AHRR: variants seen among roughly 807,000 people sequenced by gnomAD.
AHRR encodes ahR repressor.
In AHRR, 28 loss-of-function variants were observed where a neutral mutation model predicts 44.0. The ratio of observed to expected loss-of-function variants is 0.64; its 90% CI spans 0.47 to 0.87. AHRR has a LOEUF of 0.87. AHRR is among the 40% of genes least tolerant of loss of function. The probability of loss-of-function intolerance (pLI) is 0.00; values close to 1 mark genes in which losing one functional copy is unlikely to be tolerated. For synonymous variants in AHRR, 434 were observed against 407.0 expected, an observed-to-expected ratio of 1.07 and a Z score of -0.80; for missense variants, 990 against 953.9, an observed-to-expected ratio of 1.04 and a Z score of -0.50.
At chr5:353,646 G>T (rs780948942) in intron 2 of AHRR, 84 bp from the exon 3 acceptor site, 68 of 1,315,012 alleles carry the variant, frequency 5.2e-5, no homozygotes, top group Non-Finnish European at 6.4e-5. Flanking sequence ...TCCTAGTAAG[G>T]TCACTGCAGA....
At chr5:380,784 A>C (rs1733948509) in intron 4 of AHRR, among the ~76,000 whole-genome samples, 1 of 152,234 alleles carries the variant, frequency 6.6e-6, no homozygotes. Flanking sequence ...TACAAAACCA[A>C]TAGGTTATAT....
Position 370,357 on chromosome 5 carries a change from G to A in AHRR, c.245-6253G>A, listed in dbSNP as rs961193497. On this transcript the variant is annotated intron_variant, in intron 3 of 10. Transcript: ENST00000684583. The surrounding 1 kb of genome is among the most constrained non-coding windows in gnomAD (Gnocchi z 4.5). ...CAGTCAGGTCAGGCAATTCTGGGGCGAGCAGGCGTCGGGGAAGGGTTGGAT... is the reference window on the plus strand; with the variant it reads ...CAGTCAGGTCAGGCAATTCTGGGGCAAGCAGGCGTCGGGGAAGGGTTGGAT... Among the ~76,000 whole-genome samples, 1 of 152,328 alleles carries A rather than the reference G, an allele frequency of 6.6e-6. No individual in the cohort carries two copies. Among genetic ancestry groups the A allele is most frequent in the Non-Finnish European group, 1.5e-5 (1 of 68,024 alleles).
At position 429,861 on chromosome 5, in the gene AHRR, C is replaced by T. The variant is rs1186854008; in HGVS notation, c.908+1855C>T. Among the ~76,000 whole-genome samples the T allele has an allele frequency of 3.3e-5, 5 of 152,238 alleles. No individual in the cohort carries two copies. In the East Asian group the frequency reaches 5.8e-4, roughly 18 times the overall value. ...GACAGAACCTTGAGAGCAGATTCTTCGTGGTGTGACTCGAATCTCACTGCC... is the reference window on the plus strand; with the variant it reads ...GACAGAACCTTGAGAGCAGATTCTTTGTGGTGTGACTCGAATCTCACTGCC... On this transcript the variant is annotated intron_variant, in intron 8 of 10. Coordinates refer to ENST00000684583, the MANE Select transcript of AHRR (RefSeq NM_001377236.1).
At chr5:366,107 C>T (rs186818981) in intron 3 of AHRR, among the ~76,000 whole-genome samples, 211 of 151,224 alleles carry the variant, frequency 1.4e-3, no homozygotes, top group African/African-American at 5.0e-3. Flanking sequence ...GAGAGAGCCT[C>T]GGAACAGTGA....
At chr5:356,555 T>A (rs1249700586) in intron 3 of AHRR, among the ~76,000 whole-genome samples, 32 of 51,682 alleles carry the variant, frequency 6.2e-4, no homozygotes, top group Non-Finnish European at 9.1e-4. Flanking sequence ...AGGCCCTCAG[T>A]CACGGAGTCC....
chr5:339,395 A>T (rs1431265372), intron 1 of AHRR, among the ~76,000 whole-genome samples: 2 of 152,228 alleles, frequency 1.3e-5, no homozygotes, highest in Non-Finnish European at 2.9e-5. Context: ...TGCTGGGATT[A>T]TAGGTGTGAG....
chr5:382,672 T>C (rs1734031405), intron 4 of AHRR, among the ~76,000 whole-genome samples: 2 of 152,280 alleles, frequency 1.3e-5, no homozygotes, highest in South Asian at 2.1e-4. Context: ...CTTTGCTTGG[T>C]TTGGATTTAA....
rs1734281983 is a variant in AHRR at position 388,874 on chromosome 5, C to G, written c.351+12158C>G. On this transcript the variant is annotated intron_variant, in intron 4 of 10. Transcript: ENST00000684583. This position sits in a 1 kb window ranked among gnomAD's most constrained non-coding sequence, Gnocchi z 5.2. ...GCCAGATGCCTGAGGACACAATGCT[C>G]ATGACAAAAGCAGCAGGTGCGGAGG... Among the ~76,000 whole-genome samples the G allele has an allele frequency of 6.6e-6, 1 of 152,172 alleles. No individual in the cohort carries two copies. The highest frequency in any genetic ancestry group is 6.5e-5 in the Admixed American group (1 of 15,284).
At chr5:424,450 C>T (rs1441959355) in intron 7 of AHRR, among the ~76,000 whole-genome samples, 1 of 151,564 alleles carries the variant, frequency 6.6e-6, no homozygotes, top group African/African-American at 2.4e-5. Context: ...GGGTGTTAAC[C>T]CATGTGTCTC....
chr5:421,443 G>A, intron 5 of AHRR: 4 of 542,170 alleles, frequency 7.4e-6, no homozygotes, highest in South Asian at 6.8e-5. Flanking sequence ...CGCGGGTGCC[G>A]GCGATGCCCT....
chr5:362,673 A>G (rs62331565), intron 3 of AHRR, among the ~76,000 whole-genome samples: 8,010 of 152,316 alleles, frequency 0.053, 301 homozygotes, highest in Non-Finnish European at 0.08. Flanking sequence ...GTCCTCAGGA[A>G]TGGTTTCCCA....
At chr5:333,882 G>A (rs751303348) in intron 1 of AHRR, among the ~76,000 whole-genome samples, 1 of 152,108 alleles carries the variant, frequency 6.6e-6, no homozygotes, top group Non-Finnish European at 1.5e-5. Context: ...TCCAAGTTAG[G>A]GCTTCCTTGA....
At chr5:428,133 G>A (rs548076463) in intron 8 of AHRR, 127 bp downstream of exon 8, 41 of 1,129,376 alleles carry the variant, frequency 3.6e-5, no homozygotes, top group African/African-American at 2.7e-4. Context: ...GTTTCGTGTC[G>A]TAAAAGTCAT....
At chr5:384,401 A>G (rs1410386769) in intron 4 of AHRR, among the ~76,000 whole-genome samples, 1 of 152,188 alleles carries the variant, frequency 6.6e-6, no homozygotes, top group East Asian at 1.9e-4. Context: ...TATGTATTAT[A>G]TCTACATACA....
chr5:332,929 CTTTTTTTTTT>C (rs57937804), intron 1 of AHRR, among the ~76,000 whole-genome samples: 4 of 132,082 alleles, frequency 3.0e-5, no homozygotes, highest in Non-Finnish European at 6.3e-5. Context: ...TGACCTTTGT[CTTTTTTTTTT>C]TTTTTTTTTA....
intron 3 of AHRR, among the ~76,000 whole-genome samples, 187 bp downstream of exon 3, chr5:354,098 T>G (rs1039500139): frequency 3.3e-5 from 5 of 152,146 alleles, no homozygotes; most frequent in Non-Finnish European, 5.9e-5. Context: ...GGGCTGTGGA[T>G]TTTCCCTGGG....
At chr5:346,167 G>C (rs1742670994) in intron 2 of AHRR, among the ~76,000 whole-genome samples, 1 of 152,194 alleles carries the variant, frequency 6.6e-6, no homozygotes, top group East Asian at 1.9e-4. Context: ...AGTAGATACG[G>C]ATGCTGCAAT....
chr5:421,603 C>T (rs1005884627), intron 5 of AHRR, among the ~76,000 whole-genome samples: 5 of 152,306 alleles, frequency 3.3e-5, no homozygotes, highest in South Asian at 4.1e-4. Flanking sequence ...GAGGAGTGCA[C>T]CGCGGGGATG....
At chr5:351,978 C>G (rs910046835) in intron 2 of AHRR, among the ~76,000 whole-genome samples, 3 of 152,248 alleles carry the variant, frequency 2.0e-5, no homozygotes, top group Non-Finnish European at 4.4e-5. Flanking sequence ...CAGGCTCACT[C>G]CTGTATGTGC....
Sources: gnomAD v4.1 joint callset for allele counts (sites outside exome capture counted in the v4.1 genomes callset) on GRCh38, gnomAD v4.1.1 for gene constraint, Gnocchi (gnomAD v3.1) non-coding constraint, MANE v1.5 for transcripts, NCBI Gene and HGNC (gene_info 2026-07-23, HGNC 2026-07-21) for gene names.